The following GPC5 variants were observed in gnomAD, a reference collection of about 807,000 sequenced individuals.
The protein encoded by GPC5 is glypican-5.
A neutral mutation model predicts 53.9 loss-of-function variants in GPC5; 47 were observed. That is an observed-to-expected ratio of 0.87 (90% CI 0.69 to 1.11). The LOEUF is 1.11. GPC5 is among the 50% of genes most tolerant of loss of function. GPC5 has a pLI of 0.00. For synonymous variants in GPC5, 286 were observed against 263.3 expected (o/e 1.09, Z -0.84); for missense variants, 748 against 713.1 (o/e 1.05, Z -0.56).
intron 7 of GPC5, among the ~76,000 whole-genome samples, chr13:92,157,254 G>A (rs1474126935): frequency 6.6e-6 from 1 of 152,154 alleles, no homozygotes; most frequent in Non-Finnish European, 1.5e-5. Flanking sequence ...CAAGGAAGAT[G>A]TTCATTATTC....
chr13:92,486,112 C>G (rs969601742), intron 7 of GPC5, among the ~76,000 whole-genome samples: 6 of 152,206 alleles, frequency 3.9e-5, no homozygotes, highest in African/African-American at 1.4e-4. Flanking sequence ...CATGCTCCAT[C>G]ACATTCTGTA....
intron 6 of GPC5, among the ~76,000 whole-genome samples, chr13:91,993,175 G>C (rs778066923): frequency 6.6e-6 from 1 of 152,108 alleles, no homozygotes; most frequent in Non-Finnish European, 1.5e-5. Flanking sequence ...AACAGTTTTT[G>C]CTAAAGAACA....
At chr13:91,477,162 A>T (rs1882978305) in intron 2 of GPC5, among the ~76,000 whole-genome samples, 1 of 152,164 alleles carries the variant, frequency 6.6e-6, no homozygotes. Flanking sequence ...TGCAGTTTAT[A>T]TATATATATC....
intron 7 of GPC5, among the ~76,000 whole-genome samples, chr13:92,631,278 T>G (rs1885227965): frequency 6.6e-6 from 1 of 152,168 alleles, no homozygotes; most frequent in Admixed American, 6.6e-5. Flanking sequence ...AAGCCTGCTT[T>G]TAAATATTTT....
chr13:92,348,144 A>G lies in GPC5; in HGVS notation c.1561+203155A>G, dbSNP rs144006786. ...CCTTGTCTATCAATAATTACCTTGA[A>G]TATAAATGCATTAAATTCTCCAAAA... is the stretch of plus-strand genomic sequence containing the variant. On this transcript the variant is annotated intron_variant, in intron 7 of 7. Coordinates refer to ENST00000377067, the MANE Select transcript of GPC5 (RefSeq NM_004466.6). Among the ~76,000 whole-genome samples, 849 of 149,988 alleles carry G rather than the reference A, an allele frequency of 5.7e-3. 9 individuals carry two copies. The highest frequency in any genetic ancestry group is 0.02 in the African/African-American group (816 of 40,828).
chr13:92,777,214 T>C (rs981064212), intron 7 of GPC5, among the ~76,000 whole-genome samples: 2 of 150,500 alleles, frequency 1.3e-5, no homozygotes, highest in African/African-American at 4.9e-5. Flanking sequence ...TGCATGACTG[T>C]AGTCCCAGCT....
At chr13:91,658,469 AT>A (rs1474188988) in intron 2 of GPC5, among the ~76,000 whole-genome samples, 1 of 152,196 alleles carries the variant, frequency 6.6e-6, no homozygotes, top group Non-Finnish European at 1.5e-5. Flanking sequence ...AGGCCAACTA[AT>A]TCACATAATT....
At chr13:92,653,705 A>C (rs1886033534) in intron 7 of GPC5, among the ~76,000 whole-genome samples, 1 of 152,208 alleles carries the variant, frequency 6.6e-6, no homozygotes, top group African/African-American at 2.4e-5. Context: ...AACCAATTAG[A>C]TGTGTAATTT....
intron 7 of GPC5, among the ~76,000 whole-genome samples, chr13:92,513,504 C>T (rs1489050275): frequency 2.7e-5 from 4 of 146,484 alleles, no homozygotes; most frequent in Non-Finnish European, 6.0e-5. Context: ...TATAAGACAT[C>T]TTTCTTTCTC....
intron 2 of GPC5, among the ~76,000 whole-genome samples, chr13:91,498,239 ATTTTTTTT>A (rs60732957): frequency 9.1e-6 from 1 of 110,232 alleles, no homozygotes; most frequent in African/African-American, 3.4e-5. Flanking sequence ...CTACCCAAAG[ATTTTTTTT>A]TTTTTTTTTT....
At chr13:92,292,625 T>A (rs2043005915) in intron 7 of GPC5, among the ~76,000 whole-genome samples, 1 of 152,198 alleles carries the variant, frequency 6.6e-6, no homozygotes, top group Admixed American at 6.5e-5. Context: ...GTGGGTTGTC[T>A]GTTTACTCGG....
chr13:91,923,831 C>G (rs1315223319), intron 6 of GPC5, among the ~76,000 whole-genome samples: 3 of 152,208 alleles, frequency 2.0e-5, no homozygotes, highest in Admixed American at 2.0e-4. Context: ...ATTTAATACT[C>G]CTTTTCTCTT....
intron 2 of GPC5, among the ~76,000 whole-genome samples, chr13:91,598,271 A>G (rs2033063244): frequency 6.6e-6 from 1 of 152,136 alleles, no homozygotes; most frequent in Non-Finnish European, 1.5e-5. Context: ...GTAAAGTACC[A>G]GTGACGATGC....
intron 2 of GPC5, among the ~76,000 whole-genome samples, chr13:91,567,233 T>C (rs1197371577): frequency 6.6e-6 from 1 of 152,096 alleles, no homozygotes; most frequent in African/African-American, 2.4e-5. Context: ...TTCAACGTGG[T>C]ATATATGAAG....
chr13:91,744,175 G>C (rs1434555448), intron 4 of GPC5, among the ~76,000 whole-genome samples: 1 of 152,124 alleles, frequency 6.6e-6, no homozygotes, highest in African/African-American at 2.4e-5. Flanking sequence ...ATAATGGAAG[G>C]ATGCATAACC....
At chr13:92,003,197 G>C (rs1276701404) in intron 6 of GPC5, among the ~76,000 whole-genome samples, 1 of 151,728 alleles carries the variant, frequency 6.6e-6, no homozygotes. Flanking sequence ...TGTAATCCCA[G>C]CTACTCCCAG....
At chr13:91,433,536 T>G (rs1566391688) in intron 1 of GPC5, among the ~76,000 whole-genome samples, 2 of 152,194 alleles carry the variant, frequency 1.3e-5, no homozygotes, top group East Asian at 3.8e-4. Context: ...GAACTCATCA[T>G]TTTTTATGGC....
rs1338816470 is a variant in GPC5, at chr13:92,330,855, G to C, written c.1561+185866G>C. ...AACAATGGCTGACCAGCACACTCCA[G>C]GACATTCCATAGTGGCTTGCTCTTT... On this transcript the variant is annotated intron_variant, in intron 7 of 7. Coordinates refer to ENST00000377067, the MANE Select transcript of GPC5 (RefSeq NM_004466.6). Among the ~76,000 whole-genome samples, 5 of 152,110 alleles carry C rather than the reference G, an allele frequency of 3.3e-5. No individual in the cohort carries two copies. The East Asian group carries it at 9.7e-4, about 29-fold the overall frequency.
rs1354732276 is a variant in GPC5 at position 91,889,493 on chromosome 13, G to C, written c.1281-18444G>C. Among the ~76,000 whole-genome samples, 6 of 151,278 alleles carry C rather than the reference G, an allele frequency of 4.0e-5. No homozygotes were observed. In the East Asian group the frequency reaches 1.2e-3, roughly 29 times the overall value. On this transcript the variant is annotated intron_variant, in intron 5 of 7. Coordinates refer to ENST00000377067, the MANE Select transcript of GPC5 (RefSeq NM_004466.6). ...TTTCTTTTTTAATTGGAACTTGGAT[G>C]GGACTCCATTACAAAGTATCATCCA... is the stretch of plus-strand genomic sequence containing the variant.
Sources: gnomAD v4.1 joint callset for allele counts (sites outside exome capture counted in the v4.1 genomes callset) on GRCh38, gnomAD v4.1.1 for gene constraint, MANE v1.5 for transcripts, NCBI Gene and HGNC (gene_info 2026-07-23, HGNC 2026-07-21) for gene names.